Variants in MON2 observed in about 807,000 individuals in gnomAD.
MON2 encodes the protein protein MON2 homolog.
A neutral mutation model predicts 208.6 loss-of-function variants in MON2; 84 were observed. That is an observed-to-expected ratio of 0.40 (90% CI 0.34 to 0.48). The LOEUF is 0.48. Among genes scored for constraint, MON2 ranks in the 20% least tolerant of loss-of-function variants. The pLI is 0.59. For synonymous variants in MON2, 660 were observed against 694.0 expected (o/e 0.95, Z 0.77); for missense variants, 1,611 against 2,015.4 (o/e 0.80, Z 3.84).
intron 25 of MON2, chr12:62,560,216 T>C: frequency 3.7e-6 from 1 of 272,926 alleles, no homozygotes. Context: ...GTCACCTACC[T>C]GAGTTTTGTT....
At chr12:62,498,495 C>T (rs1313841159) in intron 4 of MON2, among the ~76,000 whole-genome samples, 1 of 152,062 alleles carries the variant, frequency 6.6e-6, no homozygotes, top group Non-Finnish European at 1.5e-5. Flanking sequence ...ATATAAATTA[C>T]ATCTCAATAA....
intron 15 of MON2, 63 bp from the exon 16 acceptor site, chr12:62,537,539 A>G (rs1418430164): frequency 7.9e-7 from 1 of 1,272,874 alleles, no homozygotes; most frequent in East Asian, 2.5e-5. Context: ...ATGCTACTTT[A>G]TAAGCTTTTA....
intron 22 of MON2, among the ~76,000 whole-genome samples, chr12:62,549,368 G>A (rs923563223): frequency 7.9e-5 from 12 of 151,044 alleles, no homozygotes; most frequent in South Asian, 2.1e-4. Flanking sequence ...GCCTGTAATC[G>A]TAGCACTTTG....
intron 1 of MON2, among the ~76,000 whole-genome samples, chr12:62,472,531 G>A (rs2068846072): frequency 6.6e-6 from 1 of 152,194 alleles, no homozygotes; most frequent in African/African-American, 2.4e-5. Context: ...AATAGAAATT[G>A]GCTGGCAGAG....
At chr12:62,585,532 T>C in intron 33 of MON2, 31 bp downstream of exon 33, 1 of 1,481,724 alleles carries the variant, frequency 6.7e-7, no homozygotes, top group South Asian at 1.2e-5. Flanking sequence ...AAGAAATAAA[T>C]GTATTGTTGT....
intron 8 of MON2, among the ~76,000 whole-genome samples, chr12:62,513,916 C>G (rs1234681306): frequency 6.8e-6 from 1 of 146,138 alleles, no homozygotes; most frequent in Non-Finnish European, 1.5e-5. Flanking sequence ...CTCCACTGCA[C>G]TCCAGCCTGG....
At chr12:62,471,358 A>AT (rs1298108242) in intron 1 of MON2, among the ~76,000 whole-genome samples, 2 of 151,910 alleles carry the variant, frequency 1.3e-5, no homozygotes, top group South Asian at 2.1e-4. Context: ...AATTTTTTGT[A>AT]TTTTTAATAG....
At chr12:62,545,095 T>C in intron 21 of MON2, 87 bp downstream of exon 21, 1 of 793,406 alleles carries the variant, frequency 1.3e-6, no homozygotes. Context: ...AGGTAGATCA[T>C]ATTCTAAGAG....
chr12:62,491,765 A>G (rs565547061), intron 2 of MON2, among the ~76,000 whole-genome samples: 11 of 152,324 alleles, frequency 7.2e-5, no homozygotes, highest in African/African-American at 2.6e-4. Context: ...ACATATTAAC[A>G]CATAAAAATT....
chr12:62,501,425 C>CA (rs1383321901), intron 6 of MON2, 148 bp from the exon 7 acceptor site: 2 of 784,964 alleles, frequency 2.5e-6, no homozygotes, highest in Non-Finnish European at 3.9e-6. Context: ...CACAATTTGT[C>CA]AAAATTGGAA....
chr12:62,524,442 TAAG>T, intron 8 of MON2, 70 bp from the exon 9 acceptor site: 1 of 1,277,556 alleles, frequency 7.8e-7, no homozygotes, highest in Non-Finnish European at 1.1e-6. Flanking sequence ...AGCACTAAGT[TAAG>T]AATAAGAACA....
At chr12:62,518,728 T>A (rs1489782539) in intron 8 of MON2, among the ~76,000 whole-genome samples, 1 of 152,220 alleles carries the variant, frequency 6.6e-6, no homozygotes, top group Non-Finnish European at 1.5e-5. Context: ...GTTTTCCTGC[T>A]TTACTTGTGA....
intron 30 of MON2, among the ~76,000 whole-genome samples, chr12:62,576,864 A>G (rs4763178): frequency 1 from 151,610 of 151,828 alleles, 75,696 homozygotes; most frequent in Middle Eastern, 1. Flanking sequence ...GATCCAAATA[A>G]TATTAATATT....
At chr12:62,469,540 T>C (rs2068681901) in intron 1 of MON2, among the ~76,000 whole-genome samples, 2 of 152,222 alleles carry the variant, frequency 1.3e-5, no homozygotes, top group African/African-American at 4.8e-5. Flanking sequence ...CCAATGACAC[T>C]GGGCACTACT....
intron 2 of MON2, among the ~76,000 whole-genome samples, chr12:62,492,741 G>C (rs1432708321): frequency 6.7e-6 from 1 of 150,136 alleles, no homozygotes; most frequent in Non-Finnish European, 1.5e-5. Flanking sequence ...AGCACTTTGG[G>C]AGGCTGAGGC....
intron 11 of MON2, among the ~76,000 whole-genome samples, chr12:62,527,892 G>T (rs2072418555): frequency 6.6e-6 from 1 of 151,420 alleles, no homozygotes; most frequent in Admixed American, 6.6e-5. Flanking sequence ...TACTTGTCTG[G>T]GTTGTAGAAC....
Position 62,535,596 on chromosome 12 carries a change from G to C in MON2, c.1787G>C (p.Gly596Ala). ...LTMAALCGRL[G>A]LVTSRDAFIT... ...ATGGCTGCTCTTTGTGGAAGACTGG[G>C]CCTTGTAACTTCAAGAGATGCCTTT... Residue 596 changes from glycine to alanine, a missense_variant, in exon 14 of 35, where the codon GGC becomes GCC. Physicochemically the swap from Gly to Ala is moderately conservative, Grantham distance 60. Transcript: ENST00000393630. The C allele has an allele frequency of 1.2e-6, 2 of 1,613,684 alleles. No homozygotes were observed. Among genetic ancestry groups the C allele is most frequent in the Non-Finnish European group, 1.7e-6 (2 of 1,179,776 alleles).
Position 62,493,865 on chromosome 12 carries a change from T to G in MON2, c.176-50T>G, listed in dbSNP as rs76611821. ...TTGTAATTATATAAAAATGCATTCT[T>G]AATTATAGATTAATTTTAATAATTT... On this transcript the variant is annotated intron_variant, in intron 2 of 34. Coordinates refer to ENST00000393630, the MANE Select transcript of MON2 (RefSeq NM_015026.3). 5,608 of 1,304,480 alleles carry G rather than the reference T, an allele frequency of 4.3e-3. 184 individuals are homozygous for G. In the African/African-American group the frequency reaches 0.071, roughly 17 times the overall value. 80.8% of individuals were successfully genotyped at this position (1,304,480 alleles called of 1,614,324 possible).
chr12:62,467,323 G>A lies in MON2; in HGVS notation c.111+5G>A. 1 of 1,612,396 alleles carries A rather than the reference G, an allele frequency of 6.2e-7. No individual in the cohort carries two copies. Among genetic ancestry groups the A allele is most frequent in the East Asian group, 2.2e-5 (1 of 44,876 alleles). ...AAATTCCCACCTGTCAAAGAGGTAA[G>A]CTTCAGGTGACGTCAGGAGAAGGCA... On this transcript the variant is annotated splice_donor_5th_base_variant and intron_variant, in intron 1 of 34. Transcript: ENST00000393630.
Sources: allele counts gnomAD v4.1 joint callset (sites outside exome capture counted in the v4.1 genomes callset), GRCh38; gene constraint gnomAD v4.1.1; transcripts MANE v1.5; gene names NCBI Gene and HGNC (gene_info 2026-07-23, HGNC 2026-07-21).